MEIKIN: variants seen among roughly 807,000 people sequenced by gnomAD.
MEIKIN encodes the protein meiosis-specific kinetochore protein.
At chr5:131,878,201 T>C (rs1481341112) in intron 9 of MEIKIN, among the ~76,000 whole-genome samples, 1 of 152,202 alleles carries the variant, frequency 6.6e-6, no homozygotes, top group Non-Finnish European at 1.5e-5. Flanking sequence ...TTCCATAAAT[T>C]GAATAATCTA....
chr5:131,810,323 T>C (rs915478793), intron 12 of MEIKIN, among the ~76,000 whole-genome samples: 10 of 152,110 alleles, frequency 6.6e-5, no homozygotes, highest in Non-Finnish European at 1.2e-4. Flanking sequence ...GAGCTCAAAA[T>C]AGAATAAAAA....
chr5:131,920,797 G>A (rs938944737), intron 6 of MEIKIN, among the ~76,000 whole-genome samples: 1 of 151,696 alleles, frequency 6.6e-6, no homozygotes, highest in Non-Finnish European at 1.5e-5. Context: ...GGGCTCAAGC[G>A]ATCCTCTCAT....
intron 8 of MEIKIN, among the ~76,000 whole-genome samples, chr5:131,894,806 C>A (rs957583081): frequency 6.6e-6 from 1 of 152,256 alleles, no homozygotes; most frequent in Admixed American, 6.5e-5. Context: ...TGGCCTGTGA[C>A]GATGGGGTTT....
intron 11 of MEIKIN, among the ~76,000 whole-genome samples, chr5:131,822,021 G>C (rs1308121826): frequency 6.6e-6 from 1 of 152,102 alleles, no homozygotes; most frequent in Non-Finnish European, 1.5e-5. Context: ...TTACTGAACT[G>C]ACCCCTTTAT....
Position 131,872,151 on chromosome 5 carries a change from T to C in MEIKIN, c.774+6827A>G, listed in dbSNP as rs561049954. ...CAACGGAACAAAGCTGGACGGAGAA[T>C]GACTTTGACGAGTTGAGAGAAGAAG... On this transcript the variant is annotated intron_variant, in intron 9 of 12. Coordinates refer to ENST00000442687, the MANE Select transcript of MEIKIN (RefSeq NM_001303622.2). Among the ~76,000 whole-genome samples the C allele has an allele frequency of 2.0e-5, 3 of 152,286 alleles. No individual in the cohort carries two copies. In the East Asian group the frequency reaches 5.8e-4, roughly 29 times the overall value.
intron 8 of MEIKIN, among the ~76,000 whole-genome samples, chr5:131,900,061 C>T (rs986821210): frequency 1.3e-5 from 2 of 152,184 alleles, no homozygotes; most frequent in Non-Finnish European, 2.9e-5. Flanking sequence ...GCACATGGAT[C>T]AGTCTCAAGG....
At chr5:131,817,898 A>G (rs951720686) in intron 12 of MEIKIN, among the ~76,000 whole-genome samples, 25 of 152,234 alleles carry the variant, frequency 1.6e-4, no homozygotes, top group African/African-American at 6.0e-4. Context: ...TAAAAATTCC[A>G]AAGTGCCACT....
intron 11 of MEIKIN, among the ~76,000 whole-genome samples, chr5:131,833,307 A>G (rs1749745216): frequency 6.6e-6 from 1 of 152,096 alleles, no homozygotes; most frequent in Non-Finnish European, 1.5e-5. Context: ...AACAAGAGTC[A>G]CCTTTGCTCT....
At chr5:131,821,504 T>A (rs1161874626) in intron 11 of MEIKIN, among the ~76,000 whole-genome samples, 1 of 152,146 alleles carries the variant, frequency 6.6e-6, no homozygotes, top group African/African-American at 2.4e-5. Flanking sequence ...AAATATCTAT[T>A]AGGTCCATTT....
intron 9 of MEIKIN, among the ~76,000 whole-genome samples, chr5:131,869,753 G>C (rs1446567573): frequency 6.6e-6 from 1 of 152,184 alleles, no homozygotes; most frequent in Admixed American, 6.5e-5. Flanking sequence ...ACGACTCTCA[G>C]ATTTGTCCAT....
intron 11 of MEIKIN, among the ~76,000 whole-genome samples, chr5:131,823,846 G>A (rs1749563150): frequency 6.6e-6 from 1 of 152,154 alleles, no homozygotes; most frequent in South Asian, 2.1e-4. Context: ...GGCTTCTTAA[G>A]TATTCCAAGG....
At chr5:131,839,084 G>C (rs1749860847) in intron 11 of MEIKIN, among the ~76,000 whole-genome samples, 1 of 152,054 alleles carries the variant, frequency 6.6e-6, no homozygotes, top group African/African-American at 2.4e-5. Context: ...AGAACTTCTT[G>C]ATTTCTGCCT....
At chr5:131,821,920 C>T (rs984190537) in intron 11 of MEIKIN, among the ~76,000 whole-genome samples, 2 of 152,018 alleles carry the variant, frequency 1.3e-5, no homozygotes, top group African/African-American at 4.8e-5. Context: ...CCACCACACC[C>T]AGCCTCTCTC....
intron 9 of MEIKIN, among the ~76,000 whole-genome samples, chr5:131,855,705 CAT>C (rs1319521911): frequency 1.3e-5 from 2 of 151,920 alleles, no homozygotes; most frequent in East Asian, 1.9e-4. Flanking sequence ...CAGAAACCAA[CAT>C]AGATTGTGAG....
chr5:131,818,571 C>A (rs1286543220), intron 12 of MEIKIN, among the ~76,000 whole-genome samples, 169 bp downstream of exon 12: 2 of 152,178 alleles, frequency 1.3e-5, no homozygotes, highest in Admixed American at 1.3e-4. Context: ...TAGGCATGAG[C>A]CACTGAGTCC....
At chr5:131,856,260 C>T (rs576278687) in intron 9 of MEIKIN, among the ~76,000 whole-genome samples, 1 of 152,274 alleles carries the variant, frequency 6.6e-6, no homozygotes, top group Non-Finnish European at 1.5e-5. Context: ...GTAAAAAGAA[C>T]CTATGGTGTC....
rs1399345132 is a variant in MEIKIN, at chr5:131,944,651, A to G, written c.288+14T>C. 1 of 398,958 alleles carries G rather than the reference A, an allele frequency of 2.5e-6. No individual in the cohort carries two copies. Among genetic ancestry groups the G allele is most frequent in the Non-Finnish European group, 4.4e-6 (1 of 226,084 alleles). 24.7% of individuals were successfully genotyped at this position (398,958 alleles called of 1,614,324 possible). On this transcript the variant is annotated intron_variant, in intron 3 of 12. Coordinates refer to ENST00000442687, the MANE Select transcript of MEIKIN (RefSeq NM_001303622.2). ...ACTAAGTGTGTCCAAGGACTAAAAG[A>G]GAAGCATACATACACGCAACGATGC...
At chr5:131,865,850 A>G (rs899262052) in intron 9 of MEIKIN, among the ~76,000 whole-genome samples, 1 of 152,216 alleles carries the variant, frequency 6.6e-6, no homozygotes, top group African/African-American at 2.4e-5. Context: ...TGTGGTTGTT[A>G]GTGGAGGCTA....
intron 8 of MEIKIN, among the ~76,000 whole-genome samples, chr5:131,883,021 T>C (rs531561632): frequency 6.6e-6 from 1 of 152,232 alleles, no homozygotes; most frequent in South Asian, 2.1e-4. Context: ...TTATTTCTAT[T>C]TGACGTTATA....
Sources: allele counts gnomAD v4.1 joint callset (sites outside exome capture counted in the v4.1 genomes callset), GRCh38; gene constraint gnomAD v4.1.1; transcripts MANE v1.5; gene names NCBI Gene and HGNC (gene_info 2026-07-23, HGNC 2026-07-21).